The following SPECC1L variants were observed in gnomAD, a reference collection of about 807,000 sequenced individuals.
SPECC1L encodes cytospin-A.
A neutral mutation model predicts 116.8 loss-of-function variants in SPECC1L; 40 were observed. The ratio of observed to expected loss-of-function variants is 0.34; its 90% CI spans 0.27 to 0.45. SPECC1L has a LOEUF of 0.45. Ranked by LOEUF, SPECC1L falls within the 20% of genes least tolerant of loss-of-function variation. The pLI is 1.00. For synonymous variants in SPECC1L, 504 were observed against 500.6 expected, an observed-to-expected ratio of 1.01 and a Z score of -0.09; for missense variants, 1,110 against 1,373.6, an observed-to-expected ratio of 0.81 and a Z score of 3.03.
At chr22:24,374,042 C>G (rs915026540) in intron 14 of SPECC1L, among the ~76,000 whole-genome samples, 1 of 152,128 alleles carries the variant, frequency 6.6e-6, no homozygotes, top group Non-Finnish European at 1.5e-5. Flanking sequence ...CACTGGCCAT[C>G]AGAGAAATGC....
intron 14 of SPECC1L, among the ~76,000 whole-genome samples, chr22:24,398,317 T>A (rs2146765814): frequency 6.6e-6 from 1 of 152,296 alleles, no homozygotes; most frequent in Non-Finnish European, 1.5e-5. Context: ...CATTATTTTT[T>A]CCATTGTGCA....
chr22:24,384,875 G>T (rs1569443836), intron 14 of SPECC1L, among the ~76,000 whole-genome samples: 1 of 152,052 alleles, frequency 6.6e-6, no homozygotes, highest in Admixed American at 6.6e-5. Flanking sequence ...AGGAGATCAA[G>T]ACCATCCTGG....
At chr22:24,411,811 C>G in intron 15 of SPECC1L, 107 bp downstream of exon 15, 2 of 917,072 alleles carry the variant, frequency 2.2e-6, no homozygotes, top group South Asian at 2.6e-5. Flanking sequence ...CGCTGGCTTG[C>G]GATTGCCTCG....
intron 4 of SPECC1L, among the ~76,000 whole-genome samples, chr22:24,320,688 T>G (rs2040703398): frequency 6.6e-6 from 1 of 152,252 alleles, no homozygotes; most frequent in Non-Finnish European, 1.5e-5. Context: ...AACCAAGTGC[T>G]AGGTATGTGT....
At chr22:24,309,694 C>T (rs374260276) in intron 3 of SPECC1L, among the ~76,000 whole-genome samples, 9 of 152,142 alleles carry the variant, frequency 5.9e-5, no homozygotes, top group East Asian at 3.9e-4. Flanking sequence ...CCACTGCAAC[C>T]GGCCTGAAGT....
At chr22:24,384,028 A>T (rs2042114910) in intron 14 of SPECC1L, among the ~76,000 whole-genome samples, 2 of 151,908 alleles carry the variant, frequency 1.3e-5, no homozygotes, top group Non-Finnish European at 2.9e-5. Flanking sequence ...CAACCACTGA[A>T]CACAGAAAAG....
intron 4 of SPECC1L, among the ~76,000 whole-genome samples, chr22:24,316,485 C>T (rs1003322817): frequency 2.6e-4 from 39 of 151,218 alleles, no homozygotes; most frequent in Non-Finnish European, 4.4e-4. Context: ...TGACTCTGAA[C>T]GAGCATGCTG....
chr22:24,274,302 A>G (rs2048788554), intron 1 of SPECC1L, among the ~76,000 whole-genome samples: 2 of 152,262 alleles, frequency 1.3e-5, no homozygotes, highest in South Asian at 2.1e-4. Flanking sequence ...GATCTGTTCC[A>G]AAGTGAACAT....
At chr22:24,333,555 A>C (rs1437608872) in intron 8 of SPECC1L, among the ~76,000 whole-genome samples, 1 of 147,724 alleles carries the variant, frequency 6.8e-6, no homozygotes, top group Non-Finnish European at 1.5e-5. Flanking sequence ...ATATGGGTCT[A>C]GGCTTTTTTT....
rs577292515 is a variant in SPECC1L at position 24,318,971 on chromosome 22, G to C, written c.308-2317G>C. ...TTTCCATTTTTGGCCTCCGTATACA[G>C]TTGTTTATCCCAGTCTGGTTACTCT... On this transcript the variant is annotated intron_variant, in intron 4 of 16. Transcript: ENST00000314328. Among the ~76,000 whole-genome samples the C allele has an allele frequency of 7.5e-4, 113 of 151,502 alleles. 1 individual carries two copies. Among genetic ancestry groups the C allele is most frequent in the African/African-American group, 2.6e-3 (109 of 41,338 alleles).
intron 11 of SPECC1L, among the ~76,000 whole-genome samples, chr22:24,350,049 A>C (rs926141499): frequency 3.6e-4 from 54 of 152,030 alleles, no homozygotes; most frequent in African/African-American, 1.3e-3. Flanking sequence ...CTGCCTCACC[A>C]CATGGGCTTC....
At chr22:24,354,557 T>C (rs1378895301) in intron 11 of SPECC1L, among the ~76,000 whole-genome samples, 5 of 152,146 alleles carry the variant, frequency 3.3e-5, no homozygotes, top group Non-Finnish European at 5.9e-5. Flanking sequence ...TCAATGCACC[T>C]TCCCTCCACC....
intron 2 of SPECC1L, among the ~76,000 whole-genome samples, chr22:24,283,310 C>G (rs988901703): frequency 6.7e-6 from 1 of 149,730 alleles, no homozygotes; most frequent in African/African-American, 2.5e-5. Context: ...GATCTCCTGA[C>G]CTGGTGATCC....
chr22:24,318,119 T>C (rs2040638954), intron 4 of SPECC1L, among the ~76,000 whole-genome samples: 1 of 144,002 alleles, frequency 6.9e-6, no homozygotes, highest in African/African-American at 2.9e-5. Context: ...CCAGACGGGG[T>C]GGGGCCGGGC....
rs895684095 is a variant in SPECC1L at position 24,414,872 on chromosome 22, G to A, written c.*249G>A. On this transcript the variant is annotated 3_prime_UTR_variant, in exon 17 of 17. Coordinates refer to ENST00000314328, the MANE Select transcript of SPECC1L (RefSeq NM_015330.6). ...GGGCTCAGCACACATCCTGCAGGCC[G>A]GTGGCTGCTGGAGTTTTCCTTCTGA... 1.7e-5 allele frequency: 9 copies of A among 538,918 alleles called. No homozygotes were observed. Among genetic ancestry groups the A allele is most frequent in the African/African-American group, 7.6e-5 (4 of 52,564 alleles). The allele number at this position is 538,918 out of a possible 1,614,324, so 33.4% of individuals were successfully genotyped here.
chr22:24,308,539 G>A (rs904698077), intron 3 of SPECC1L, among the ~76,000 whole-genome samples: 1 of 152,212 alleles, frequency 6.6e-6, no homozygotes, highest in African/African-American at 2.4e-5. Flanking sequence ...TTTCCATTGT[G>A]GGGGATGTTA....
chr22:24,359,458 T>A (rs1352257263), intron 11 of SPECC1L, among the ~76,000 whole-genome samples: 1 of 152,178 alleles, frequency 6.6e-6, no homozygotes, highest in Non-Finnish European at 1.5e-5. Flanking sequence ...CCTCCTCACC[T>A]TTCTTACCTC....
chr22:24,328,918 G>A lies in SPECC1L; in HGVS notation c.2219G>A (p.Arg740Gln), dbSNP rs201151869. The change falls in exon 7 of 17, where the codon CGG (arginine) becomes CAG (glutamine). Residue 740 changes from arginine to glutamine, a missense_variant and splice_region_variant. By Grantham distance (43) the Arg-to-Gln change is conservative. Coordinates refer to ENST00000314328, the MANE Select transcript of SPECC1L (RefSeq NM_015330.6). ...ATAAAGACACTCCACAGAAGACTTC[G>A]GGTAGGATAAATCTTCATGTATTGT... ...REIKTLHRRL[R>Q]EESAEWRQFQ... The A allele has an allele frequency of 9.3e-6, 15 of 1,611,062 alleles. No individual in the cohort carries two copies. The highest frequency in any genetic ancestry group is 1.2e-5 in the Non-Finnish European group (14 of 1,177,354).
intron 11 of SPECC1L, among the ~76,000 whole-genome samples, chr22:24,349,515 T>C (rs536812279): frequency 1.9e-4 from 29 of 152,360 alleles, no homozygotes; most frequent in Middle Eastern, 3.4e-3. Flanking sequence ...TTCTCTGGAC[T>C]CTAGGTTCGT....
Sources: allele counts gnomAD v4.1 joint callset (sites outside exome capture counted in the v4.1 genomes callset), GRCh38; gene constraint gnomAD v4.1.1; transcripts MANE v1.5; gene names NCBI Gene and HGNC (gene_info 2026-07-23, HGNC 2026-07-21).